The following GRIK2 variants were observed in gnomAD, a reference collection of about 807,000 sequenced individuals.
GRIK2 encodes the protein glutamate receptor ionotropic, kainate 2.
A neutral mutation model predicts 100.3 loss-of-function variants in GRIK2; 32 were observed. That is an observed-to-expected ratio of 0.32 (90% CI 0.24 to 0.43). GRIK2 has a LOEUF of 0.43. Among genes scored for constraint, GRIK2 ranks in the 20% least tolerant of loss-of-function variants. The probability of loss-of-function intolerance (pLI) is 1.00; values close to 1 mark genes in which losing one functional copy is unlikely to be tolerated. For missense variants in GRIK2, 843 were observed against 1,114.9 expected (o/e 0.76, Z 3.47); for synonymous variants, 417 against 389.4 (o/e 1.07, Z -0.83).
At chr6:101,802,967 G>A (rs891109183) in intron 9 of GRIK2, among the ~76,000 whole-genome samples, 3 of 151,728 alleles carry the variant, frequency 2.0e-5, no homozygotes, top group Non-Finnish European at 2.9e-5. Flanking sequence ...AGGGATTGTG[G>A]TAAAACACCC....
In GRIK2 at chr6:101,602,220, G is replaced by T. The variant is rs893050819; in HGVS notation, c.116-19729G>T. Among the ~76,000 whole-genome samples, 5 of 151,410 alleles carry T rather than the reference G, an allele frequency of 3.3e-5. No homozygotes were observed. The Admixed American group carries it at 3.3e-4, about 10-fold the overall frequency. Reference sequence around the variant, plus strand: ...GAGCAAGTTGTAGTTATTTATTTCTGTATAATTCTGTAGTTTTGGGAGATC... The same window carrying T: ...GAGCAAGTTGTAGTTATTTATTTCTTTATAATTCTGTAGTTTTGGGAGATC... On this transcript the variant is annotated intron_variant, in intron 2 of 16. Transcript: ENST00000369134.
intron 2 of GRIK2, among the ~76,000 whole-genome samples, chr6:101,458,594 C>T (rs1459277351): frequency 6.6e-6 from 1 of 152,196 alleles, no homozygotes; most frequent in Non-Finnish European, 1.5e-5. Context: ...AGATACAAAA[C>T]TCCATCTGGG....
intron 14 of GRIK2, among the ~76,000 whole-genome samples, chr6:101,970,169 C>T (rs1300573109): frequency 6.6e-6 from 1 of 151,518 alleles, no homozygotes; most frequent in Non-Finnish European, 1.5e-5. Flanking sequence ...AAAAATAAAC[C>T]AATCAATCAA....
intron 14 of GRIK2, among the ~76,000 whole-genome samples, chr6:101,937,835 TTAGA>T (rs778177818): frequency 2.0e-4 from 30 of 152,120 alleles, no homozygotes; most frequent in Admixed American, 2.6e-4. Context: ...TTCTCATTTC[TTAGA>T]TAGCCCATTA....
At chr6:101,867,696 CTAATA>C (rs1785138865) in intron 11 of GRIK2, among the ~76,000 whole-genome samples, 1 of 151,328 alleles carries the variant, frequency 6.6e-6, no homozygotes, top group Non-Finnish European at 1.5e-5. Flanking sequence ...TCTTTCAGTA[CTAATA>C]TAATAAAGAA....
chr6:101,641,708 A>G (rs1466581614), intron 4 of GRIK2, among the ~76,000 whole-genome samples: 1 of 151,996 alleles, frequency 6.6e-6, no homozygotes, highest in Non-Finnish European at 1.5e-5. Flanking sequence ...AGACAAATCT[A>G]AAGGGTTTCC....
At chr6:101,586,947 T>C (rs1778403989) in intron 2 of GRIK2, among the ~76,000 whole-genome samples, 1 of 145,158 alleles carries the variant, frequency 6.9e-6, no homozygotes. Flanking sequence ...TCAGCAACCA[T>C]GTCTGAGAAC....
In GRIK2 at chr6:101,879,183, C is replaced by A. The variant is rs192869994; in HGVS notation, c.1525-10457C>A. Among the ~76,000 whole-genome samples the A allele has an allele frequency of 5.4e-4, 82 of 152,090 alleles. 1 individual carries two copies. The highest frequency in any genetic ancestry group is 2.0e-3 in the African/African-American group (81 of 41,510). Reference sequence around the variant, plus strand: ...GATCAAGGTAAACCATATTACTGTGCTCAACTTAAAGGTAAGAAAAGAGTA... The same window carrying A: ...GATCAAGGTAAACCATATTACTGTGATCAACTTAAAGGTAAGAAAAGAGTA... On this transcript the variant is annotated intron_variant, in intron 11 of 16. Transcript: ENST00000369134.
chr6:101,451,512 A>T (rs1439476984), intron 2 of GRIK2, among the ~76,000 whole-genome samples: 1 of 151,634 alleles, frequency 6.6e-6, no homozygotes, highest in Non-Finnish European at 1.5e-5. Context: ...TTATTTTGAG[A>T]TATTTGTTTC....
chr6:101,998,494 T>G (rs1482364439), intron 14 of GRIK2, among the ~76,000 whole-genome samples: 1 of 152,054 alleles, frequency 6.6e-6, no homozygotes, highest in Non-Finnish European at 1.5e-5. Context: ...TATGTAGGGT[T>G]TTTTTGCTGT....
intron 2 of GRIK2, among the ~76,000 whole-genome samples, chr6:101,502,151 T>G (rs984837968): frequency 6.6e-6 from 1 of 152,150 alleles, no homozygotes; most frequent in Non-Finnish European, 1.5e-5. Context: ...GAAATTGATA[T>G]AGGGAAGCAG....
At chr6:101,596,731 A>T (rs561213754) in intron 2 of GRIK2, among the ~76,000 whole-genome samples, 2 of 151,876 alleles carry the variant, frequency 1.3e-5, no homozygotes, top group East Asian at 3.9e-4. Context: ...AAATGGAAGC[A>T]GCAATTAAAG....
At chr6:101,890,964 C>A (rs1787017561) in intron 12 of GRIK2, among the ~76,000 whole-genome samples, 1 of 143,798 alleles carries the variant, frequency 7.0e-6, no homozygotes, top group Non-Finnish European at 1.5e-5. Context: ...ATAAAAATAC[C>A]TATAAAGTGT....
At chr6:101,728,569 A>G (rs1469219332) in intron 7 of GRIK2, among the ~76,000 whole-genome samples, 1 of 152,092 alleles carries the variant, frequency 6.6e-6, no homozygotes, top group Non-Finnish European at 1.5e-5. Context: ...GATGGTTTTA[A>G]ATTCTGACAG....
chr6:101,934,820 G>GA (rs1790517684), intron 14 of GRIK2, among the ~76,000 whole-genome samples: 1 of 151,876 alleles, frequency 6.6e-6, no homozygotes. Context: ...TTTTCACATT[G>GA]AAAAATGTCT....
intron 2 of GRIK2, among the ~76,000 whole-genome samples, chr6:101,476,681 G>A (rs1018585392): frequency 1.7e-4 from 26 of 152,192 alleles, no homozygotes; most frequent in Admixed American, 1.6e-3. Flanking sequence ...GGTAAAGAAG[G>A]AAAGAAAATG....
At position 101,760,451 on chromosome 6, in the gene GRIK2, ATAAT is replaced by A. The variant is rs1277174260; in HGVS notation, c.952-39190_952-39187del. Reference sequence around the variant, plus strand: ...ATATTTAATTATATATTTATTATATATAATTAATTATATTTAATTATATATTTAT... The same window carrying A: ...ATATTTAATTATATATTTATTATATATAATTATATTTAATTATATATTTAT... On this transcript the variant is annotated intron_variant, in intron 7 of 16. Coordinates refer to ENST00000369134, the MANE Select transcript of GRIK2 (RefSeq NM_021956.5). 2.0e-3 allele frequency among the ~76,000 whole-genome samples: 13 copies of A among 6,588 alleles called. 1 individual carries two copies. Among genetic ancestry groups the A allele is most frequent in the African/African-American group, 0.016 (12 of 738 alleles). The allele number at this position is 6,588 out of a possible 152,430, so 4.3% of individuals were successfully genotyped here. A position where few individuals can be genotyped will look rare whatever the true frequency, so the allele number is the denominator to read the frequency against.
intron 7 of GRIK2, among the ~76,000 whole-genome samples, chr6:101,749,291 T>C (rs996729331): frequency 6.6e-6 from 1 of 152,100 alleles, no homozygotes; most frequent in Non-Finnish European, 1.5e-5. Context: ...GTATTTTTAA[T>C]AGACACAAGA....
chr6:101,969,833 T>C (rs562645324), intron 14 of GRIK2, among the ~76,000 whole-genome samples: 3 of 152,134 alleles, frequency 2.0e-5, no homozygotes, highest in Admixed American at 6.6e-5. Flanking sequence ...GTTTGCAAAT[T>C]GTATGTGAAA....
Sources: allele counts gnomAD v4.1 joint callset (sites outside exome capture counted in the v4.1 genomes callset), GRCh38; gene constraint gnomAD v4.1.1; transcripts MANE v1.5; gene names NCBI Gene and HGNC (gene_info 2026-07-23, HGNC 2026-07-21).